Variants in DNAAF11 observed in about 807,000 individuals in gnomAD.
DNAAF11 encodes dynein axonemal assembly factor 11.
In DNAAF11, 45 loss-of-function variants were observed where a neutral mutation model predicts 60.8. The observed-to-expected ratio is 0.74, with a 90% confidence interval of 0.58 to 0.95. The LOEUF is 0.95. Among genes scored for constraint, DNAAF11 ranks in the 40% least tolerant of loss-of-function variants. The pLI, the probability that DNAAF11 is intolerant of heterozygous loss-of-function variation, is 0.00. For missense variants in DNAAF11, 546 were observed against 546.2 expected (o/e 1.00, Z 0.00); for synonymous variants, 191 against 183.5 (o/e 1.04, Z -0.33).
rs116033062 is a variant in DNAAF11, at chr8:132,570,658, C to T, written c.*1648G>A. 7.2e-4 allele frequency among the ~76,000 whole-genome samples: 110 copies of T among 152,288 alleles called. No individual in the cohort carries two copies. The highest frequency in any genetic ancestry group is 2.5e-3 in the African/African-American group (104 of 41,554). ...TGACCATGAAGAAAGGTGTTATACTCAGTCATTGCCATCAGTCGCAGTGAT... is the reference window on the plus strand; with the variant it reads ...TGACCATGAAGAAAGGTGTTATACTTAGTCATTGCCATCAGTCGCAGTGAT... On this transcript the variant is annotated 3_prime_UTR_variant, in exon 12 of 12. Transcript: ENST00000620350.
At chr8:132,676,092 T>C (rs1825749175), upstream of DNAAF11, among the ~76,000 whole-genome samples, 1 of 152,200 alleles carries the variant, frequency 6.6e-6, no homozygotes, top group South Asian at 2.1e-4. Flanking sequence ...GTCGTTGTCA[T>C]ATTCCAGCTT....
chr8:132,632,661 T>C, intron 5 of DNAAF11, 79 bp downstream of exon 5: 2 of 983,600 alleles, frequency 2.0e-6, no homozygotes, highest in Non-Finnish European at 3.2e-6. Flanking sequence ...ATAAGTGTAC[T>C]GCAAACAACT....
the DNAAF11 span, chr8:132,687,348 T>TGGGGG: frequency 4.2e-6 from 1 of 236,412 alleles, no homozygotes; most frequent in South Asian, 5.3e-5. Flanking sequence ...TCTAAGCACT[T>TGGGGG]GGGGGCATCA....
chr8:132,573,508 GT>G (rs1280804984), intron 11 of DNAAF11, among the ~76,000 whole-genome samples: 2 of 152,078 alleles, frequency 1.3e-5, no homozygotes, highest in East Asian at 3.8e-4. Flanking sequence ...CAAAGGTTTT[GT>G]CTTTTTCATC....
At chr8:132,580,025 C>T (rs1344844997) in intron 11 of DNAAF11, among the ~76,000 whole-genome samples, 1 of 146,954 alleles carries the variant, frequency 6.8e-6, no homozygotes, top group African/African-American at 2.5e-5. Flanking sequence ...ACAAAAAAGA[C>T]GACTACTCAA....
intron 10 of DNAAF11, among the ~76,000 whole-genome samples, chr8:132,601,398 T>C (rs183383481): frequency 6.6e-6 from 1 of 152,272 alleles, no homozygotes; most frequent in East Asian, 1.9e-4. Flanking sequence ...AGAAATACCA[T>C]TTGACCCAGT....
intron 6 of DNAAF11, 74 bp downstream of exon 6, chr8:132,625,198 C>CA: frequency 5.9e-6 from 7 of 1,182,752 alleles, no homozygotes; most frequent in Non-Finnish European, 8.2e-6. Flanking sequence ...AATAATGGGT[C>CA]AAAAAATGGG....
the DNAAF11 span, among the ~76,000 whole-genome samples, chr8:132,689,669 A>C: frequency 6.6e-6 from 1 of 151,742 alleles, no homozygotes; most frequent in African/African-American, 2.4e-5. Context: ...GATTTGACTC[A>C]TATACATATA....
At chr8:132,620,430 G>C (rs1261983700) in intron 7 of DNAAF11, among the ~76,000 whole-genome samples, 6 of 152,186 alleles carry the variant, frequency 3.9e-5, no homozygotes, top group African/African-American at 1.2e-4. Context: ...TGCCTCCCAG[G>C]TTCAAGCGAT....
At chr8:132,652,935 A>G (rs1229968215) in intron 3 of DNAAF11, among the ~76,000 whole-genome samples, 2 of 152,154 alleles carry the variant, frequency 1.3e-5, no homozygotes, top group African/African-American at 4.8e-5. Flanking sequence ...AACTTCAAGT[A>G]TAATAAAAAA....
At chr8:132,693,951 A>G in the DNAAF11 span, among the ~76,000 whole-genome samples, 2 of 152,172 alleles carry the variant, frequency 1.3e-5, no homozygotes, top group Admixed American at 6.5e-5. Flanking sequence ...GGGACATGGG[A>G]GCAATTGGAA....
intron 3 of DNAAF11, among the ~76,000 whole-genome samples, chr8:132,643,861 A>G (rs554109569): frequency 6.6e-6 from 1 of 152,334 alleles, no homozygotes; most frequent in East Asian, 1.9e-4. Context: ...GACAAGGGAC[A>G]TAAGTATAGC....
At chr8:132,695,639 C>T in the DNAAF11 span, among the ~76,000 whole-genome samples, 2 of 151,968 alleles carry the variant, frequency 1.3e-5, no homozygotes, top group Admixed American at 6.6e-5. Flanking sequence ...AATAATCACC[C>T]GGGGAATGGG....
chr8:132,605,067 G>A (rs1290596093), intron 10 of DNAAF11, among the ~76,000 whole-genome samples: 1 of 152,090 alleles, frequency 6.6e-6, no homozygotes, highest in Non-Finnish European at 1.5e-5. Context: ...AAACATTAAT[G>A]TAGTGTGTAT....
intron 3 of DNAAF11, among the ~76,000 whole-genome samples, chr8:132,647,762 G>A (rs1443678324): frequency 6.6e-6 from 1 of 152,182 alleles, no homozygotes; most frequent in Non-Finnish European, 1.5e-5. Flanking sequence ...AGAAAATCTA[G>A]AAGAAATGGA....
chr8:132,629,537 C>T (rs7005876), intron 5 of DNAAF11, among the ~76,000 whole-genome samples: 11,373 of 151,726 alleles, frequency 0.075, 1,153 homozygotes, highest in African/African-American at 0.23. Flanking sequence ...TTAGTAGAGA[C>T]GGGGTTTCAC....
chr8:132,668,482 GCT>G (rs1322906822), intron 1 of DNAAF11, among the ~76,000 whole-genome samples: 1 of 151,798 alleles, frequency 6.6e-6, no homozygotes, highest in Non-Finnish European at 1.5e-5. Context: ...ACAGAGTCTC[GCT>G]CTGTCGCCCA....
chr8:132,649,667 A>G (rs896299133), intron 3 of DNAAF11, among the ~76,000 whole-genome samples: 1 of 152,228 alleles, frequency 6.6e-6, no homozygotes, highest in Admixed American at 6.5e-5. Context: ...AAAGAAATTC[A>G]CAAGAAAAAA....
At chr8:132,673,603 C>T (rs1825399641) in intron 1 of DNAAF11, among the ~76,000 whole-genome samples, 1 of 152,224 alleles carries the variant, frequency 6.6e-6, no homozygotes, top group Non-Finnish European at 1.5e-5. Flanking sequence ...TTCTTTCTGT[C>T]TCACACCAGT....
Sources: allele counts gnomAD v4.1 joint callset (sites outside exome capture counted in the v4.1 genomes callset), GRCh38; gene constraint gnomAD v4.1.1; transcripts MANE v1.5; gene names NCBI Gene and HGNC (gene_info 2026-07-23, HGNC 2026-07-21).